The following GPHN variants were observed in gnomAD, a reference collection of about 807,000 sequenced individuals.
GPHN encodes the protein gephyrin.
In GPHN, 17 loss-of-function variants were observed where a neutral mutation model predicts 95.5. The ratio of observed to expected loss-of-function variants is 0.18; its 90% CI spans 0.12 to 0.27. The LOEUF is 0.27. Ranked by LOEUF, GPHN falls within the 10% of genes least tolerant of loss-of-function variation. GPHN has a pLI of 1.00. For synonymous variants in GPHN, 320 were observed against 322.5 expected (o/e 0.99, Z 0.08); for missense variants, 660 against 978.1 (o/e 0.67, Z 4.34).
chr14:67,020,044 T>G (rs2073524447), intron 9 of GPHN, among the ~76,000 whole-genome samples: 1 of 152,168 alleles, frequency 6.6e-6, no homozygotes, highest in African/African-American at 2.4e-5. Context: ...GCATGCATCT[T>G]TCACTGTTAA....
At chr14:67,539,713 A>G in the GPHN span, among the ~76,000 whole-genome samples, 1 of 152,212 alleles carries the variant, frequency 6.6e-6, no homozygotes, top group Non-Finnish European at 1.5e-5. Context: ...CAGAGTGGCA[A>G]TGAACAAGGA....
chr14:67,496,305 C>G, the GPHN span, among the ~76,000 whole-genome samples: 1 of 148,714 alleles, frequency 6.7e-6, no homozygotes, highest in Non-Finnish European at 1.5e-5. Context: ...GTTGCCCAGG[C>G]TGGTCTCAAA....
chr14:67,275,647 G>A, the GPHN span, among the ~76,000 whole-genome samples: 1 of 152,142 alleles, frequency 6.6e-6, no homozygotes, highest in Non-Finnish European at 1.5e-5. Context: ...AAATGAGTTA[G>A]GGAGGATTGC....
the GPHN span, among the ~76,000 whole-genome samples, chr14:67,425,685 G>A: frequency 1.3e-5 from 2 of 152,156 alleles, no homozygotes; most frequent in Non-Finnish European, 2.9e-5. Flanking sequence ...GGCAATGAGA[G>A]GGGAGCCCTG....
the GPHN span, among the ~76,000 whole-genome samples, chr14:67,523,580 C>T: frequency 2.6e-5 from 4 of 152,204 alleles, no homozygotes; most frequent in Non-Finnish European, 4.4e-5. Flanking sequence ...TCTACACCTC[C>T]ACGCAGAGGA....
At chr14:67,406,225 C>T in the GPHN span, among the ~76,000 whole-genome samples, 14 of 150,034 alleles carry the variant, frequency 9.3e-5, no homozygotes, top group Admixed American at 5.3e-4. Context: ...CGCCACTGCA[C>T]TCCAGCCTCG....
the GPHN span, among the ~76,000 whole-genome samples, chr14:67,408,354 T>TAAAATAAAATAAAATAAAATA: frequency 1.5e-5 from 2 of 134,780 alleles, no homozygotes; most frequent in South Asian, 2.5e-4. Context: ...TAAAATAAAA[T>TAAAATAAAATAAAATAAAATA]AAAAAAAGAA....
At chr14:66,658,754 A>T (rs1037222647) in intron 1 of GPHN, among the ~76,000 whole-genome samples, 1 of 152,144 alleles carries the variant, frequency 6.6e-6, no homozygotes, top group African/African-American at 2.4e-5. Context: ...AAAACCAAAA[A>T]GTTGTGAGAC....
At chr14:67,218,188 C>T in the GPHN span, among the ~76,000 whole-genome samples, 1 of 152,232 alleles carries the variant, frequency 6.6e-6, no homozygotes, top group African/African-American at 2.4e-5. Context: ...TGAGGTCTGG[C>T]TTGCTGGGTT....
In GPHN at chr14:66,651,235, C is replaced by T. The variant is rs117869060; in HGVS notation, c.65-29872C>T. On this transcript the variant is annotated intron_variant, in intron 1 of 22. Coordinates refer to ENST00000478722, the MANE Select transcript of GPHN (RefSeq NM_020806.5). Reference sequence around the variant, plus strand: ...CAGAAAGGGTCCCAAAACTTGCTTACTTGTGTGACCTATTCAACCTGCACA... The same window carrying T: ...CAGAAAGGGTCCCAAAACTTGCTTATTTGTGTGACCTATTCAACCTGCACA... 3.8e-3 allele frequency among the ~76,000 whole-genome samples: 573 copies of T among 152,288 alleles called. 5 individuals are homozygous for T. Among genetic ancestry groups the T allele is most frequent in the Non-Finnish European group, 6.9e-3 (468 of 68,012 alleles).
chr14:67,375,253 T>C, the GPHN span, among the ~76,000 whole-genome samples: 1 of 145,560 alleles, frequency 6.9e-6, no homozygotes, highest in South Asian at 2.1e-4. Flanking sequence ...TGTGTGTGTG[T>C]GTGTGTGTGT....
intron 2 of GPHN, among the ~76,000 whole-genome samples, chr14:66,776,144 G>C (rs2059375322): frequency 6.6e-6 from 1 of 152,092 alleles, no homozygotes; most frequent in Admixed American, 6.6e-5. Context: ...CATGTTTGCT[G>C]TCAGTTCCTG....
At chr14:66,594,096 T>C (rs778008139) in intron 1 of GPHN, among the ~76,000 whole-genome samples, 25 of 152,100 alleles carry the variant, frequency 1.6e-4, no homozygotes, top group Non-Finnish European at 3.4e-4. Flanking sequence ...AAATTAGGTA[T>C]AAATTTACCC....
intron 11 of GPHN, among the ~76,000 whole-genome samples, chr14:67,069,349 A>G (rs1474046412): frequency 2.0e-5 from 3 of 152,162 alleles, no homozygotes; most frequent in Non-Finnish European, 2.9e-5. Context: ...TATTTACAGT[A>G]TGACCTTGGT....
At chr14:67,045,610 T>A (rs537351554) in intron 10 of GPHN, among the ~76,000 whole-genome samples, 1 of 151,810 alleles carries the variant, frequency 6.6e-6, no homozygotes, top group Admixed American at 6.6e-5. Context: ...TGTCTCTGTC[T>A]GTGTCTCTGT....
chr14:67,674,603 C>G, the GPHN span: 6 of 789,768 alleles, frequency 7.6e-6, no homozygotes, highest in Non-Finnish European at 9.2e-6. Flanking sequence ...CGCACCACCG[C>G]CGCCCAGGAC....
At chr14:67,572,763 A>G in the GPHN span, among the ~76,000 whole-genome samples, 1 of 152,012 alleles carries the variant, frequency 6.6e-6, no homozygotes, top group African/African-American at 2.4e-5. Context: ...CTCCCGATGT[A>G]ATTCCGCATC....
At chr14:67,690,587 T>C in the GPHN span, 6 of 620,584 alleles carry the variant, frequency 9.7e-6, no homozygotes, top group Middle Eastern at 4.4e-4. Flanking sequence ...TTTAGGGAAA[T>C]AACAACAGCC....
At position 67,083,281 on chromosome 14, in the gene GPHN, G is replaced by C. The variant is rs547362498; in HGVS notation, c.1145-5702G>C. 9.9e-5 allele frequency among the ~76,000 whole-genome samples: 15 copies of C among 152,130 alleles called. No homozygotes were observed. The South Asian group carries it at 2.7e-3, about 27-fold the overall frequency. On this transcript the variant is annotated intron_variant, in intron 11 of 22. Coordinates refer to ENST00000478722, the MANE Select transcript of GPHN (RefSeq NM_020806.5). The stretch of plus-strand genomic sequence containing the variant: ...AAATGTAACTCCCAGTGCTGTGCTG[G>C]AAGTGGGGCCTAGTGGGAGGTTACT...
Sources: gnomAD v4.1 joint callset for allele counts (sites outside exome capture counted in the v4.1 genomes callset) on GRCh38, gnomAD v4.1.1 for gene constraint, MANE v1.5 for transcripts, NCBI Gene and HGNC (gene_info 2026-07-23, HGNC 2026-07-21) for gene names.